SETD1B: variants seen among roughly 807,000 people sequenced by gnomAD.
The protein encoded by SETD1B is SET domain containing 1B, histone lysine methyltransferase, also known as histone-lysine N-methyltransferase SETD1B.
SETD1B carries 7 observed loss-of-function variants against 148.0 expected under a neutral mutation model. The ratio of observed to expected loss-of-function variants is 0.05; its 90% confidence interval spans 0.03 to 0.09. The LOEUF is 0.09. Among genes scored for constraint, SETD1B ranks in the 10% least tolerant of loss-of-function variants. SETD1B has a pLI of 1.00. For missense variants in SETD1B, 2,155 were observed against 2,729.9 expected, an observed-to-expected ratio of 0.79 and a Z score of 4.69; for synonymous variants, 1,361 against 1,186.5, an observed-to-expected ratio of 1.15 and a Z score of -3.02.
In SETD1B at chr12:121,814,396, A is replaced by T; in HGVS notation, c.2181A>T (p.Pro727=). The change falls in exon 7 of 17, where the codon CCA becomes CCT. Residue 727 remains proline (P), a synonymous_variant. Coordinates refer to ENST00000604567, the MANE Select transcript of SETD1B (RefSeq NM_001353345.2). The stretch of plus-strand genomic sequence containing the variant: ...CCCACCCTGCTGTGACAGTGCCCCC[A>T]CCACCCTTGCCAGCGCCGCCTGGAG... ...PPAHPAVTVP[P]PPLPAPPGVP... 1.8e-6 allele frequency: 2 copies of T among 1,105,196 alleles called. No individual in the cohort carries two copies. Among genetic ancestry groups the T allele is most frequent in the Non-Finnish European group, 1.2e-6 (1 of 843,134 alleles). The allele number at this position is 1,105,196 out of a possible 1,614,324, so 68.5% of individuals were successfully genotyped here.
upstream of SETD1B, chr12:121,800,664 C>A (rs2137530996): frequency 6.7e-6 from 1 of 149,834 alleles, no homozygotes; most frequent in Non-Finnish European, 1.5e-5. Flanking sequence ...TCCCGCCCGG[C>A]GCGCGGCGGC....
In SETD1B at chr12:121,823,495, G is replaced by A. The variant is rs1053033775; in HGVS notation, c.4916G>A (p.Arg1639Gln). 25 of 1,550,112 alleles carry A rather than the reference G, an allele frequency of 1.6e-5. No homozygotes were observed. The Admixed American group carries it at 2.7e-4, about 17-fold the overall frequency. ...GAATACATGGAGTTGGCCAAGAGCC[G>A]GGGGCCGTGGCGCCGGCCACCTAAG... ...TEEYMELAKSRGPWRRPPKKR... is the reference protein window; with the variant it reads ...TEEYMELAKSQGPWRRPPKKR... The change falls in exon 12 of 17, where the codon CGG (arginine) becomes CAG (glutamine). Residue 1639 changes from arginine (R) to glutamine (Q), a missense_variant. Arg to Gln is a conservative substitution (Grantham distance 43). This residue lies in a region of SETD1B where 862 missense variants were observed against 873.8 expected (regional missense o/e 0.99). Transcript: ENST00000604567.
At position 121,817,928 on chromosome 12, in the gene SETD1B, C is replaced by G; in HGVS notation, c.3418+24C>G. 1 of 1,509,826 alleles carries G rather than the reference C, an allele frequency of 6.6e-7. No individual in the cohort carries two copies. Among genetic ancestry groups the G allele is most frequent in the South Asian group, 1.3e-5 (1 of 78,734 alleles). 93.5% of individuals were successfully genotyped at this position (1,509,826 alleles called of 1,614,324 possible). On this transcript the variant is annotated intron_variant, in intron 10 of 16. Coordinates refer to ENST00000604567, the MANE Select transcript of SETD1B (RefSeq NM_001353345.2). This position sits in a 1 kb window ranked among gnomAD's most constrained non-coding sequence, Gnocchi z 8.1. ...AGGTGAGCAGGGAGGCCGTGGCTGC[C>G]TGGCCCTCCCGGAGTCCCTCTTTCC...
In SETD1B at chr12:121,804,842, G is replaced by A. The variant is rs971066640; in HGVS notation, c.105G>A (p.Met35Ile). ...ACCATTGGAGAAGTTACAAGTTGAT[G>A]ATTGACCCGGCTCTGAAAAAGGGGC... is the stretch of plus-strand genomic sequence containing the variant. The part of the protein sequence containing the change: ...RNHHWRSYKL[M>I]IDPALKKGHH... Residue 35 changes from methionine to isoleucine, a missense_variant, in exon 2 of 17, where the codon ATG becomes ATA. Physicochemically the swap from Met to Ile is conservative, Grantham distance 10. This residue lies in a region of SETD1B where 124 missense variants were observed against 282.9 expected (regional missense o/e 0.44). Coordinates refer to ENST00000604567, the MANE Select transcript of SETD1B (RefSeq NM_001353345.2). The surrounding 1 kb of genome is among the most constrained non-coding windows in gnomAD (Gnocchi z 4.6). The A allele has an allele frequency of 5.9e-5, 92 of 1,550,846 alleles. No individual in the cohort carries two copies. Among genetic ancestry groups the A allele is most frequent in the Non-Finnish European group, 3.0e-5 (34 of 1,146,754 alleles).
the SETD1B span, among the ~76,000 whole-genome samples, chr12:121,798,483 G>A: frequency 6.6e-6 from 1 of 152,178 alleles, no homozygotes; most frequent in African/African-American, 2.4e-5. Context: ...CCAACTAAAA[G>A]CTTGGGAGGA....
chr12:121,812,891 C>T (rs1470233624), intron 6 of SETD1B, among the ~76,000 whole-genome samples: 1 of 152,106 alleles, frequency 6.6e-6, no homozygotes, highest in Admixed American at 6.5e-5. Flanking sequence ...CTGAGGCCTT[C>T]CTCACCTGTA....
rs1161175587 is a variant in SETD1B, at chr12:121,809,789, C to G, written c.844C>G (p.Pro282Ala). 1.3e-6 allele frequency: 2 copies of G among 1,551,462 alleles called. No individual in the cohort carries two copies. Among genetic ancestry groups the G allele is most frequent in the African/African-American group, 2.7e-5 (2 of 73,038 alleles). ...CCCGCTCACACCGCGCCTGGGCACC[C>G]CTTTCTCACAGGACTCCAGCTACTC... The part of the protein sequence containing the change: ...GTPLTPRLGT[P>A]FSQDSSYSSR... The change falls in exon 6 of 17, where the codon CCT becomes GCT. Residue 282 changes from proline (P) to alanine (A), a missense_variant. Transcript: ENST00000604567.
rs902853054 is a variant in SETD1B at position 121,810,390 on chromosome 12, C to T, written c.1445C>T (p.Thr482Met). ...WSPEPCDSPG[T>M]PTLESSPAGP... ...CCTGAGCCCTGTGACAGCCCTGGCA[C>T]GCCCACGCTGGAGTCGTCCCCTGCA... Residue 482 changes from threonine (T) to methionine (M), a missense_variant, in exon 6 of 17, where the codon ACG (threonine) becomes ATG (methionine). Physicochemically the swap from Thr to Met is moderately conservative, Grantham distance 81. Coordinates refer to ENST00000604567, the MANE Select transcript of SETD1B (RefSeq NM_001353345.2). The surrounding 1 kb of genome is among the most constrained non-coding windows in gnomAD (Gnocchi z 7.6). The T allele has an allele frequency of 1.2e-5, 19 of 1,548,534 alleles. No homozygotes were observed. Among genetic ancestry groups the T allele is most frequent in the Non-Finnish European group, 1.4e-5 (16 of 1,146,922 alleles).
At position 121,819,907 on chromosome 12, in the gene SETD1B, A is replaced by C. The variant is rs1400314877; in HGVS notation, c.3910+12A>C. 6.5e-7 allele frequency: 1 copy of C among 1,546,706 alleles called. No homozygotes were observed. The highest frequency in any genetic ancestry group is 8.7e-7 in the Non-Finnish European group (1 of 1,145,028). On this transcript the variant is annotated intron_variant, in intron 11 of 16. Transcript: ENST00000604567. Reference sequence around the variant, plus strand: ...TGAGCGAGCTCCAGGTAACACCTGCAACCCCCTGGGAGGGTGGTGGGAGGG... The same window carrying C: ...TGAGCGAGCTCCAGGTAACACCTGCCACCCCCTGGGAGGGTGGTGGGAGGG...
chr12:121,827,867 C>A lies in SETD1B; in HGVS notation c.5589+13C>A. ...GAATATCCGTCAGGTAGGCACCGCC[C>A]GGCAGGATGGGCACCGGGGTGGGCA... On this transcript the variant is annotated intron_variant, in intron 15 of 16. Coordinates refer to ENST00000604567, the MANE Select transcript of SETD1B (RefSeq NM_001353345.2). The A allele has an allele frequency of 6.4e-7, 1 of 1,555,058 alleles. No homozygotes were observed. Among genetic ancestry groups the A allele is most frequent in the Non-Finnish European group, 8.7e-7 (1 of 1,148,616 alleles).
upstream of SETD1B, chr12:121,799,864 C>CAT (rs1263843140): frequency 6.6e-6 from 1 of 152,120 alleles, no homozygotes; most frequent in Non-Finnish European, 1.5e-5. Flanking sequence ...GGAGGACTGT[C>CAT]AGAGTCAAAC....
rs67605254 is a variant in SETD1B at position 121,805,689 on chromosome 12, A to ATT, written c.274-131_274-130dup. On this transcript the variant is annotated intron_variant, in intron 3 of 16. Transcript: ENST00000604567. This position sits in a 1 kb window ranked among gnomAD's most constrained non-coding sequence, Gnocchi z 4.2. ...CGTGCATTTTTTTTTTCCAAAAAAA[A>ATT]TTTTTTTTTTTTTTTTAATTTTTAG... 7.1e-5 allele frequency: 39 copies of ATT among 546,796 alleles called. No individual in the cohort carries two copies. The highest frequency in any genetic ancestry group is 3.5e-4 in the African/African-American group (17 of 48,848). 33.9% of individuals were successfully genotyped at this position (546,796 alleles called of 1,614,324 possible). A position where few individuals can be genotyped will look rare whatever the true frequency, so the allele number is the denominator to read the frequency against.
In SETD1B at chr12:121,815,251, A is replaced by G. The variant is rs554421034; in HGVS notation, c.2715+321A>G. On this transcript the variant is annotated intron_variant, in intron 7 of 16. Transcript: ENST00000604567. ...AGATCAGCCTGAGCAGTATAGCAAG[A>G]GCCCATCTCTAAAAATAAATGTGCA... Among the ~76,000 whole-genome samples the G allele has an allele frequency of 3.9e-5, 6 of 152,334 alleles. No individual in the cohort carries two copies. The East Asian group carries it at 1.2e-3, about 29-fold the overall frequency.
chr12:121,792,645 G>C, the SETD1B span, among the ~76,000 whole-genome samples: 1 of 152,228 alleles, frequency 6.6e-6, no homozygotes, highest in Admixed American at 6.5e-5. Context: ...CACAGAACTC[G>C]CATCCACAGG....
rs187543935 is a variant in SETD1B at position 121,832,124 on chromosome 12, A to G, written c.*1885A>G. 4.6e-5 allele frequency: 7 copies of G among 152,274 alleles called. No individual in the cohort carries two copies. The highest frequency in any genetic ancestry group is 1.9e-4 in the East Asian group (1 of 5,190). The allele number at this position is 152,274 out of a possible 1,614,324, so 9.4% of individuals were successfully genotyped here. A position where few individuals can be genotyped will look rare whatever the true frequency, so the allele number is the denominator to read the frequency against. On this transcript the variant is annotated 3_prime_UTR_variant, in exon 17 of 17. Coordinates refer to ENST00000604567, the MANE Select transcript of SETD1B (RefSeq NM_001353345.2). The stretch of plus-strand genomic sequence containing the variant: ...GAGACGGCTGATTCAAGTTACATGT[A>G]CAGCCTCCAAAGGGCTGTCTCCATT...
chr12:121,791,435 G>C, the SETD1B span, among the ~76,000 whole-genome samples: 1 of 152,088 alleles, frequency 6.6e-6, no homozygotes, highest in African/African-American at 2.4e-5. Context: ...CCAATGATAC[G>C]TAGCCAATAG....
Position 121,823,548 on chromosome 12 carries a change from G to T in SETD1B, c.4969G>T (p.Ala1657Ser). The change falls in exon 12 of 17, where the codon GCG (alanine) becomes TCG (serine). Residue 1657 changes from alanine to serine, a missense_variant. Coordinates refer to ENST00000604567, the MANE Select transcript of SETD1B (RefSeq NM_001353345.2). ...GCGCCATGAGGACCTGGTGCCACCTGCGGGCTCGCCCGAACTCTCGCCACC... is the reference window on the plus strand; with the variant it reads ...GCGCCATGAGGACCTGGTGCCACCTTCGGGCTCGCCCGAACTCTCGCCACC... ...KKRHEDLVPP[A>S]GSPELSPPQP... is the part of the protein sequence containing the mutation. 2.6e-6 allele frequency: 4 copies of T among 1,551,122 alleles called. No homozygotes were observed. The South Asian group carries it at 4.8e-5, about 18-fold the overall frequency.
chr12:121,803,774 C>G (rs1371028416), upstream of SETD1B: 2 of 151,866 alleles, frequency 1.3e-5, no homozygotes, highest in African/African-American at 4.8e-5. The surrounding 1 kb of genome is among the most constrained non-coding windows in gnomAD (Gnocchi z 4.7). Context: ...CCAAGACCCC[C>G]ACCCCAGTCC....
At position 121,822,597 on chromosome 12, in the gene SETD1B, C is replaced by T. The variant is rs375852395; in HGVS notation, c.4018C>T (p.Pro1340Ser). The part of the protein sequence containing the change: ...PPRPPSPPPE[P>S]ETTDASHPSV... ...CCGGCCACCCAGCCCACCGCCGGAG[C>T]CTGAGACCACAGATGCCTCACACCC... The change falls in exon 12 of 17, where the codon CCT (proline) becomes TCT (serine). Residue 1340 changes from proline to serine, a missense_variant. Around this residue, in one of 11 missense-constraint regions of SETD1B, gnomAD observed 862 missense variants for 873.8 expected, o/e 0.99. Coordinates refer to ENST00000604567, the MANE Select transcript of SETD1B (RefSeq NM_001353345.2). 1.9e-6 allele frequency: 3 copies of T among 1,551,336 alleles called. No homozygotes were observed. Among genetic ancestry groups the T allele is most frequent in the Non-Finnish European group, 2.6e-6 (3 of 1,146,854 alleles).
Sources: gnomAD v4.1 joint callset for allele counts (sites outside exome capture counted in the v4.1 genomes callset) on GRCh38, gnomAD v4.1.1 for gene constraint, gnomAD v4.1.1 regional missense constraint, Gnocchi (gnomAD v3.1) non-coding constraint, MANE v1.5 for transcripts, NCBI Gene and HGNC (gene_info 2026-07-23, HGNC 2026-07-21) for gene names.